The following RNU7-1 variants were observed in gnomAD, a reference collection of about 807,000 sequenced individuals.
RNU7-1 encodes RNA, small nuclear U7.
At chr12:6,943,839 T>C (rs976977214) in exon 1 of RNU7-1, 9 of 873,878 alleles carry the variant, frequency 1.0e-5, no homozygotes, top group African/African-American at 6.9e-5. Context: ...CTTTTAGAAT[T>C]TGTCTAGTAG....
chr12:6,943,861 TTTTACCGGAAAGCCCCTCTTA>T, exon 1 of RNU7-1: 2 of 936,848 alleles, frequency 2.1e-6, no homozygotes, highest in Non-Finnish European at 3.0e-6. Flanking sequence ...CTTTCTGGCT[TTTTACCGGAAAGCCCCTCTTA>T]TGATGTTTGT....
rs782760331 is a variant in RNU7-1 at position 6,943,865 on chromosome 12, A to G, written n.50A>G. ...TGTCTAGTAGGCTTTCTGGCTTTTT[A>G]CCGGAAAGCCCCTCTTATGATGTTT... On this transcript the variant is annotated non_coding_transcript_exon_variant, in exon 1 of 1. Transcript: ENST00000458811. 196 of 934,028 alleles carry G rather than the reference A, an allele frequency of 2.1e-4. 1 individual carries two copies. Among genetic ancestry groups the G allele is most frequent in the South Asian group, 2.6e-4 (15 of 57,116 alleles). The allele number at this position is 934,028 out of a possible 1,614,324, so 57.9% of individuals were successfully genotyped here.
exon 1 of RNU7-1, chr12:6,943,841 G>GT: frequency 4.5e-6 from 4 of 885,578 alleles, no homozygotes; most frequent in Non-Finnish European, 6.4e-6. Flanking sequence ...TTTAGAATTT[G>GT]TCTAGTAGGC....
exon 1 of RNU7-1, chr12:6,943,853 T>A (rs782427287): frequency 1.1e-6 from 1 of 909,286 alleles, no homozygotes; most frequent in East Asian, 3.2e-5. Context: ...CTAGTAGGCT[T>A]TCTGGCTTTT....
Position 6,943,868 on chromosome 12 carries a change from G to A in RNU7-1, n.53G>A, listed in dbSNP as rs76417910. 521 of 941,870 alleles carry A rather than the reference G, an allele frequency of 5.5e-4. 3 individuals are homozygous for A. In the African/African-American group the frequency reaches 5.7e-3, roughly 10 times the overall value. 58.3% of individuals were successfully genotyped at this position (941,870 alleles called of 1,614,324 possible). ...CTAGTAGGCTTTCTGGCTTTTTACC[G>A]GAAAGCCCCTCTTATGATGTTTGTT... On this transcript the variant is annotated non_coding_transcript_exon_variant, in exon 1 of 1. Coordinates refer to ENST00000458811, the Ensembl canonical transcript of RNU7-1.
chr12:6,943,833 T>TA, exon 1 of RNU7-1: 1 of 876,848 alleles, frequency 1.1e-6, no homozygotes, highest in Non-Finnish European at 1.6e-6. Flanking sequence ...ACAGCTCTTT[T>TA]AGAATTTGTC....
At position 6,943,844 on chromosome 12, in the gene RNU7-1, T is replaced by C. The variant is rs185860337; in HGVS notation, n.29T>C. On this transcript the variant is annotated non_coding_transcript_exon_variant, in exon 1 of 1. Transcript: ENST00000458811. ...TGTTACAGCTCTTTTAGAATTTGTC[T>C]AGTAGGCTTTCTGGCTTTTTACCGG... 33 of 891,552 alleles carry C rather than the reference T, an allele frequency of 3.7e-5. No individual in the cohort carries two copies. The East Asian group carries it at 6.3e-4, about 17-fold the overall frequency. 55.2% of individuals were successfully genotyped at this position (891,552 alleles called of 1,614,324 possible).
At position 6,943,863 on chromosome 12, in the gene RNU7-1, T is replaced by C. The variant is rs74057226; in HGVS notation, n.48T>C. 5,645 of 938,932 alleles carry C rather than the reference T, an allele frequency of 6.0e-3. 145 individuals are homozygous for C. The highest frequency in any genetic ancestry group is 0.056 in the African/African-American group (3,305 of 59,306). The allele number at this position is 938,932 out of a possible 1,614,324, so 58.2% of individuals were successfully genotyped here. A position where few individuals can be genotyped will look rare whatever the true frequency, so the allele number is the denominator to read the frequency against. On this transcript the variant is annotated non_coding_transcript_exon_variant, in exon 1 of 1. Coordinates refer to ENST00000458811, the Ensembl canonical transcript of RNU7-1. ...TTTGTCTAGTAGGCTTTCTGGCTTT[T>C]TACCGGAAAGCCCCTCTTATGATGT...
chr12:6,943,822 T>A (rs782352036), exon 1 of RNU7-1: 2 of 859,846 alleles, frequency 2.3e-6, no homozygotes, highest in African/African-American at 1.7e-5. Flanking sequence ...GCAGCAGTGT[T>A]ACAGCTCTTT....
chr12:6,943,859 C>CT lies in RNU7-1; in HGVS notation n.49dup, dbSNP rs1294545980. ...AGAATTTGTCTAGTAGGCTTTCTGG[C>CT]TTTTTACCGGAAAGCCCCTCTTATG... On this transcript the variant is annotated non_coding_transcript_exon_variant, in exon 1 of 1. Transcript: ENST00000458811. 7.2e-5 allele frequency: 68 copies of CT among 939,088 alleles called. 1 individual carries two copies. The highest frequency in any genetic ancestry group is 3.7e-4 in the Admixed American group (12 of 32,020). 58.2% of individuals were successfully genotyped at this position (939,088 alleles called of 1,614,324 possible).
chr12:6,943,855 CTGGCTTTT>C (rs2061700895), exon 1 of RNU7-1: 9 of 933,152 alleles, frequency 9.6e-6, no homozygotes, highest in South Asian at 3.5e-5. Context: ...AGTAGGCTTT[CTGGCTTTT>C]TACCGGAAAG....
At chr12:6,943,864 T>TA in exon 1 of RNU7-1, 1 of 937,258 alleles carries the variant, frequency 1.1e-6, no homozygotes, top group Non-Finnish European at 1.5e-6. Flanking sequence ...TCTGGCTTTT[T>TA]ACCGGAAAGC....
chr12:6,943,866 CCGGAAAGCCCCTCT>C, exon 1 of RNU7-1: 1 of 934,292 alleles, frequency 1.1e-6, no homozygotes, highest in African/African-American at 1.7e-5. Flanking sequence ...TGGCTTTTTA[CCGGAAAGCCCCTCT>C]TATGATGTTT....
chr12:6,943,835 G>T (rs782066592), exon 1 of RNU7-1: 3 of 877,492 alleles, frequency 3.4e-6, no homozygotes, highest in Non-Finnish European at 3.2e-6. Context: ...AGCTCTTTTA[G>T]AATTTGTCTA....
At chr12:6,943,860 T>G (rs781874734) in exon 1 of RNU7-1, 12 of 932,810 alleles carry the variant, frequency 1.3e-5, no homozygotes, top group South Asian at 3.5e-5. Flanking sequence ...GCTTTCTGGC[T>G]TTTTACCGGA....
chr12:6,943,842 T>A, exon 1 of RNU7-1: 1 of 884,862 alleles, frequency 1.1e-6, no homozygotes, highest in Non-Finnish European at 1.6e-6. Context: ...TTAGAATTTG[T>A]CTAGTAGGCT....
At chr12:6,943,818 G>C (rs764764350) in exon 1 of RNU7-1, 18 of 849,894 alleles carry the variant, frequency 2.1e-5, no homozygotes, top group African/African-American at 1.2e-4. Flanking sequence ...ATACGCAGCA[G>C]TGTTACAGCT....
rs782223539 is a variant in RNU7-1, at chr12:6,943,869, G to A, written n.54G>A. ...TAGTAGGCTTTCTGGCTTTTTACCG[G>A]AAAGCCCCTCTTATGATGTTTGTTG... On this transcript the variant is annotated non_coding_transcript_exon_variant, in exon 1 of 1. Transcript: ENST00000458811. 120 of 953,356 alleles carry A rather than the reference G, an allele frequency of 1.3e-4. 1 individual carries two copies. The highest frequency in any genetic ancestry group is 4.7e-4 in the South Asian group (27 of 57,524). 59.1% of individuals were successfully genotyped at this position (953,356 alleles called of 1,614,324 possible). A position where few individuals can be genotyped will look rare whatever the true frequency, so the allele number is the denominator to read the frequency against.
At chr12:6,943,848 A>C (rs782368655) in exon 1 of RNU7-1, 3 of 899,164 alleles carry the variant, frequency 3.3e-6, no homozygotes, top group Non-Finnish European at 4.7e-6. Flanking sequence ...TTTGTCTAGT[A>C]GGCTTTCTGG....
Sources: gnomAD v4.1 joint callset for allele counts on GRCh38, gnomAD v4.1.1 for gene constraint, MANE v1.5 for transcripts, NCBI Gene and HGNC (gene_info 2026-07-23, HGNC 2026-07-21) for gene names.